RXRA: variants seen among roughly 807,000 people sequenced by gnomAD.
RXRA encodes retinoid X receptor alpha.
Under a neutral mutation model 44.5 loss-of-function variants are expected in RXRA, and 5 were observed. The observed-to-expected ratio is 0.11, with a 90% confidence interval of 0.06 to 0.24. RXRA has a LOEUF of 0.24. RXRA is among the 10% of genes least tolerant of loss of function. The pLI is 1.00. For missense variants in RXRA, 412 were observed against 646.5 expected (o/e 0.64, Z 3.93); for synonymous variants, 291 against 271.4 (o/e 1.07, Z -0.71).
chr9:134,431,333 C>G (rs34306194), intron 7 of RXRA, among the ~76,000 whole-genome samples: 331 of 152,384 alleles, frequency 2.2e-3, no homozygotes, highest in African/African-American at 7.5e-3. Flanking sequence ...AGCTGGCGGG[C>G]TTTCCCCGTG....
intron 6 of RXRA, chr9:134,427,021 C>A: frequency 1.0e-6 from 1 of 981,954 alleles, no homozygotes; most frequent in South Asian, 4.7e-5. Context: ...TGGGAGTGGG[C>A]CCGGGGCTCC....
At chr9:134,347,251 G>A (rs1286174310) in intron 1 of RXRA, among the ~76,000 whole-genome samples, 1 of 152,202 alleles carries the variant, frequency 6.6e-6, no homozygotes, top group African/African-American at 2.4e-5. Flanking sequence ...AGGGTTAAAG[G>A]GCCAAGGGAA....
chr9:134,414,803 G>C (rs12002993), intron 4 of RXRA, among the ~76,000 whole-genome samples: 3,551 of 152,338 alleles, frequency 0.023, 106 homozygotes, highest in South Asian at 0.11. Context: ...TGCTGGCTGA[G>C]ATCTGCGTGT....
At position 134,409,054 on chromosome 9, in the gene RXRA, G is replaced by A. The variant is rs148741267; in HGVS notation, c.545G>A (p.Arg182Gln). ...RDNKDCLIDK[R>Q]QRNRCQYCRY... The stretch of plus-strand genomic sequence containing the variant: ...AACAAGGACTGCCTGATTGACAAGC[G>A]GCAGCGGAACCGGTGCCAGTACTGC... Residue 182 changes from arginine to glutamine, a missense_variant, in exon 4 of 10, where the codon CGG (arginine) becomes CAG (glutamine). Physicochemically the swap from Arg to Gln is conservative, Grantham distance 43. Transcript: ENST00000481739. 1.2e-5 allele frequency: 19 copies of A among 1,611,652 alleles called. No individual in the cohort carries two copies. The highest frequency in any genetic ancestry group is 1.6e-5 in the Non-Finnish European group (19 of 1,179,084).
chr9:134,438,933 C>G lies in RXRA; in HGVS notation c.*2319C>G, dbSNP rs36004541. On this transcript the variant is annotated 3_prime_UTR_variant, in exon 10 of 10. Coordinates refer to ENST00000481739, the MANE Select transcript of RXRA (RefSeq NM_002957.6). The stretch of plus-strand genomic sequence containing the variant: ...AACCTGGCCTCCCTGGCCACAGCAG[C>G]CTTACCCACCGCTCTACGTGTCCCG... The G allele has an allele frequency of 1.3e-5, 2 of 152,296 alleles. No individual in the cohort carries two copies. The highest frequency in any genetic ancestry group is 2.9e-5 in the Non-Finnish European group (2 of 68,088). 9.4% of individuals were successfully genotyped at this position (152,296 alleles called of 1,614,324 possible). A position where few individuals can be genotyped will look rare whatever the true frequency, so the allele number is the denominator to read the frequency against.
At position 134,401,729 on chromosome 9, in the gene RXRA, C is replaced by T. The variant is rs779248245; in HGVS notation, c.126C>T (p.Gly42=). Residue 42 remains glycine, a synonymous_variant, in exon 2 of 10, where the codon GGC becomes GGT. Coordinates refer to ENST00000481739, the MANE Select transcript of RXRA (RefSeq NM_002957.6). ...SLHPSLGPGI[G]SPGQLHSPIS... is the part of the protein sequence containing the mutation. ...ACCCGTCCCTGGGGCCTGGCATCGG[C>T]TCCCCGGGACAGCTGCATTCTCCCA... is the stretch of plus-strand genomic sequence containing the variant. The T allele has an allele frequency of 6.2e-7, 1 of 1,613,184 alleles. No individual in the cohort carries two copies. The highest frequency in any genetic ancestry group is 2.2e-5 in the East Asian group (1 of 44,870).
chr9:134,332,734 G>C (rs1392607018), intron 1 of RXRA, among the ~76,000 whole-genome samples: 1 of 152,162 alleles, frequency 6.6e-6, no homozygotes, highest in Non-Finnish European at 1.5e-5. Flanking sequence ...GCTGGAATGA[G>C]GCCACCAGTG....
intron 1 of RXRA, among the ~76,000 whole-genome samples, chr9:134,339,934 T>G (rs1554747923): frequency 6.6e-6 from 1 of 152,138 alleles, no homozygotes. Context: ...TATGTGAGTG[T>G]GCACGCCTGT....
chr9:134,409,897 C>T (rs1043032990), intron 4 of RXRA, among the ~76,000 whole-genome samples: 1 of 152,238 alleles, frequency 6.6e-6, no homozygotes, highest in Non-Finnish European at 1.5e-5. Flanking sequence ...CCTGTCCCCC[C>T]GCTCTGCAGG....
intron 1 of RXRA, among the ~76,000 whole-genome samples, chr9:134,363,612 A>G (rs1411874681): frequency 2.0e-5 from 3 of 152,202 alleles, no homozygotes; most frequent in Non-Finnish European, 4.4e-5. Flanking sequence ...AGGGTTGGCA[A>G]CGGCAGCTTT....
At position 134,330,142 on chromosome 9, in the gene RXRA, G is replaced by A. The variant is rs568930914; in HGVS notation, c.28+3483G>A. Among the ~76,000 whole-genome samples, 6 of 152,258 alleles carry A rather than the reference G, an allele frequency of 3.9e-5. No homozygotes were observed. The South Asian group carries it at 1.2e-3, about 32-fold the overall frequency. On this transcript the variant is annotated intron_variant, in intron 1 of 9. Coordinates refer to ENST00000481739, the MANE Select transcript of RXRA (RefSeq NM_002957.6). ...AGTGGTGAGCAATGCCTGTCCTCTG[G>A]AGAAGAGGGCACAGCTGTCCCAGCA...
chr9:134,350,200 G>C (rs1830204810), intron 1 of RXRA, among the ~76,000 whole-genome samples: 1 of 152,094 alleles, frequency 6.6e-6, no homozygotes, highest in African/African-American at 2.4e-5. Flanking sequence ...CAGGCTCCCA[G>C]GGCAGGATGT....
At chr9:134,400,767 C>A (rs538623370) in intron 1 of RXRA, among the ~76,000 whole-genome samples, 1 of 152,224 alleles carries the variant, frequency 6.6e-6, no homozygotes, top group East Asian at 1.9e-4. Context: ...CCCAGCCTCT[C>A]CTGCGGCCCT....
intron 1 of RXRA, among the ~76,000 whole-genome samples, chr9:134,330,746 C>A (rs1395279808): frequency 6.6e-6 from 1 of 152,226 alleles, no homozygotes; most frequent in Non-Finnish European, 1.5e-5. Context: ...GTGGTCAGGC[C>A]ACCTGGGGTT....
intron 1 of RXRA, among the ~76,000 whole-genome samples, chr9:134,331,117 G>A (rs181251235): frequency 3.3e-4 from 50 of 152,306 alleles, no homozygotes; most frequent in African/African-American, 1.0e-3. Flanking sequence ...ACAGGAGAGC[G>A]CTCGCTGCTG....
chr9:134,400,438 G>A (rs1209919276), intron 1 of RXRA, among the ~76,000 whole-genome samples: 1 of 152,210 alleles, frequency 6.6e-6, no homozygotes, highest in Non-Finnish European at 1.5e-5. Flanking sequence ...AGGCACGGAG[G>A]GCCTGAGAGC....
intron 1 of RXRA, among the ~76,000 whole-genome samples, chr9:134,352,858 C>G (rs1412403198): frequency 1.3e-5 from 2 of 152,188 alleles, no homozygotes; most frequent in Non-Finnish European, 2.9e-5. Context: ...GGCAGGGAAT[C>G]AGGAGCCCTG....
Position 134,401,751 on chromosome 9 carries a change from C to T in RXRA, c.148C>T (p.Pro50Ser), listed in dbSNP as rs745884032. 15 of 1,613,222 alleles carry T rather than the reference C, an allele frequency of 9.3e-6. No homozygotes were observed. The highest frequency in any genetic ancestry group is 1.3e-5 in the Non-Finnish European group (15 of 1,179,966). The change falls in exon 2 of 10, where the codon CCC becomes TCC. Residue 50 changes from proline to serine, a missense_variant. Around this residue, in one of 4 missense-constraint regions of RXRA, gnomAD observed 156 missense variants for 177.2 expected, o/e 0.88. Transcript: ENST00000481739. ...GIGSPGQLHS[P>S]ISTLSSPING... Reference sequence around the variant, plus strand: ...CGGCTCCCCGGGACAGCTGCATTCTCCCATCAGCACCCTGAGCTCCCCCAT... The same window carrying T: ...CGGCTCCCCGGGACAGCTGCATTCTTCCATCAGCACCCTGAGCTCCCCCAT...
At chr9:134,334,504 C>G (rs1170764260) in intron 1 of RXRA, among the ~76,000 whole-genome samples, 1 of 152,270 alleles carries the variant, frequency 6.6e-6, no homozygotes, top group South Asian at 2.1e-4. Flanking sequence ...GTGTCATTGA[C>G]TGCCGCAGTG....
Sources: gnomAD v4.1 joint callset for allele counts (sites outside exome capture counted in the v4.1 genomes callset) on GRCh38, gnomAD v4.1.1 for gene constraint, gnomAD v4.1.1 regional missense constraint, MANE v1.5 for transcripts, NCBI Gene and HGNC (gene_info 2026-07-23, HGNC 2026-07-21) for gene names.